MELTF: variants seen among roughly 807,000 people sequenced by gnomAD.
The protein encoded by MELTF is melanotransferrin.
Under a neutral mutation model 83.7 loss-of-function variants are expected in MELTF, and 67 were observed. The observed-to-expected ratio is 0.80, with a 90% CI of 0.66 to 0.98. The LOEUF (loss-of-function observed/expected upper bound fraction) is 0.98, where lower values mean the gene tolerates loss of function less well. MELTF is among the 50% of genes least tolerant of loss of function. The pLI, the probability that MELTF is intolerant of heterozygous loss-of-function variation, is 0.00. For synonymous variants in MELTF, 462 were observed against 447.6 expected, an observed-to-expected ratio of 1.03 and a Z score of -0.41; for missense variants, 1,002 against 1,035.6, an observed-to-expected ratio of 0.97 and a Z score of 0.44.
At position 197,006,656 on chromosome 3, in the gene MELTF, C is replaced by A. The variant is rs199914653; in HGVS notation, c.1831G>T (p.Val611Leu). ...LLCPNGARAE[V>L]SQFAACNLAQ... ...AGGTTGCAGGCTGCAAACTGGGACA[C>A]CTCGGCTCGGGCCCCGTTGGGGCAC... The change falls in exon 14 of 16, where the codon GTG (valine) becomes TTG (leucine). Residue 611 changes from valine (V) to leucine (L), a missense_variant. Coordinates refer to ENST00000296350, the MANE Select transcript of MELTF (RefSeq NM_005929.6). The surrounding 1 kb of genome is among the most constrained non-coding windows in gnomAD (Gnocchi z 5.4). 2.5e-6 allele frequency: 4 copies of A among 1,605,770 alleles called. No individual in the cohort carries two copies. In the East Asian group the frequency reaches 8.9e-5, roughly 36 times the overall value.
rs935459108 is a variant in MELTF, at chr3:197,029,691, C to T, written c.12G>A (p.Pro4=). The T allele has an allele frequency of 4.8e-6, 6 of 1,243,896 alleles. No individual in the cohort carries two copies. The highest frequency in any genetic ancestry group is 7.7e-5 in the South Asian group (2 of 26,092). The allele number at this position is 1,243,896 out of a possible 1,614,324, so 77.1% of individuals were successfully genotyped here. ...CCAGGAGCAGCCACAGAGCCCCGCT[C>T]GGACCCCGCATGGCGCCGTCGGGGC... is the stretch of plus-strand genomic sequence containing the variant. MRG[P]SGALWLLLAL... Residue 4 remains proline (P), a synonymous_variant, in exon 1 of 16, where the codon CCG becomes CCA. Transcript: ENST00000296350. The surrounding 1 kb of genome is among the most constrained non-coding windows in gnomAD (Gnocchi z 6.5).
intron 9 of MELTF, among the ~76,000 whole-genome samples, chr3:197,012,376 G>T (rs1719217856): frequency 6.6e-6 from 1 of 152,256 alleles, no homozygotes; most frequent in African/African-American, 2.4e-5. Flanking sequence ...TGTTGTGAGG[G>T]TTACACGAGA....
rs956058981 is a variant in MELTF, at chr3:197,003,772, C to T, written c.2137+129G>A. 1.4e-5 allele frequency: 14 copies of T among 1,004,988 alleles called. No homozygotes were observed. Among genetic ancestry groups the T allele is most frequent in the Non-Finnish European group, 1.9e-5 (13 of 697,516 alleles). 62.3% of individuals were successfully genotyped at this position (1,004,988 alleles called of 1,614,324 possible). ...CTGGCCAAAATCCTCCCGGGACACC[C>T]CACCTGGACTGCTGCGAACGGGCCT... is the stretch of plus-strand genomic sequence containing the variant. On this transcript the variant is annotated intron_variant, in intron 15 of 15. Transcript: ENST00000296350. The surrounding 1 kb of genome is among the most constrained non-coding windows in gnomAD (Gnocchi z 6.2).
intron 9 of MELTF, among the ~76,000 whole-genome samples, chr3:197,014,051 C>G (rs945987880): frequency 3.9e-5 from 6 of 152,140 alleles, no homozygotes; most frequent in Non-Finnish European, 8.8e-5. Context: ...AAGGGATGCC[C>G]GCACCCCATG....
In MELTF at chr3:197,023,064, G is replaced by C. The variant is rs761865345; in HGVS notation, c.537C>G (p.Thr179=). The C allele has an allele frequency of 6.2e-7, 1 of 1,613,850 alleles. No homozygotes were observed. Among genetic ancestry groups the C allele is most frequent in the South Asian group, 1.1e-5 (1 of 91,074 alleles). The change falls in exon 5 of 16, where the codon ACC becomes ACG. Residue 179 remains threonine (T), a synonymous_variant. Coordinates refer to ENST00000296350, the MANE Select transcript of MELTF (RefSeq NM_005929.6). ...GGSCVPGAGE[T]SYSESLCRLC... is the part of the protein sequence containing the mutation. ...GGCGACAGAGGGACTCAGAGTAACT[G>C]GTCTCTCCTGCCCCCGGGACGCAGC... is the stretch of plus-strand genomic sequence containing the variant.
intron 6 of MELTF, chr3:197,019,563 C>A (rs1577940070): frequency 6.4e-7 from 1 of 1,573,636 alleles, no homozygotes; most frequent in Non-Finnish European, 8.7e-7. Flanking sequence ...CATGGTGAGA[C>A]CCCCATCTCA....
At chr3:197,014,383 G>GGTTTTTTTTT (rs747329235) in intron 9 of MELTF, among the ~76,000 whole-genome samples, 2 of 101,058 alleles carry the variant, frequency 2.0e-5, no homozygotes, top group African/African-American at 8.3e-5. Context: ...AATAGGGAGA[G>GGTTTTTTTTT]TTTTTTTTTT....
chr3:197,002,185 G>A lies in MELTF; in HGVS notation c.*1187C>T, dbSNP rs1463239696. On this transcript the variant is annotated 3_prime_UTR_variant, in exon 16 of 16. Coordinates refer to ENST00000296350, the MANE Select transcript of MELTF (RefSeq NM_005929.6). ...GGATCCTTCCCGACGCCCGCAGGTG[G>A]GGGCGAGCCACCGGGAACCGGGCCT... 6.6e-6 allele frequency: 1 copy of A among 152,132 alleles called. No individual in the cohort carries two copies. Among genetic ancestry groups the A allele is most frequent in the Non-Finnish European group, 1.5e-5 (1 of 68,016 alleles). The allele number at this position is 152,132 out of a possible 1,614,324, so 9.4% of individuals were successfully genotyped here.
At chr3:197,018,579 T>A (rs142071930) in intron 6 of MELTF, among the ~76,000 whole-genome samples, 2,083 of 152,224 alleles carry the variant, frequency 0.014, 53 homozygotes, top group African/African-American at 0.047. Flanking sequence ...CCCGAGTAGC[T>A]CAGATTACAG....
chr3:197,010,240 GC>G (rs1024606217), intron 10 of MELTF, among the ~76,000 whole-genome samples: 2 of 152,212 alleles, frequency 1.3e-5, no homozygotes, highest in African/African-American at 4.8e-5. Context: ...AGAGGCCAAA[GC>G]CCCAGCCCAG....
At chr3:197,021,065 T>C (rs1163608958) in intron 6 of MELTF, among the ~76,000 whole-genome samples, 1 of 152,194 alleles carries the variant, frequency 6.6e-6, no homozygotes, top group Non-Finnish European at 1.5e-5. Context: ...TGAGATCCAG[T>C]GCAGGGGTTT....
chr3:197,015,642 C>T, intron 8 of MELTF, 126 bp from the exon 9 acceptor site: 7 of 1,059,556 alleles, frequency 6.6e-6, no homozygotes, highest in South Asian at 1.7e-5. Flanking sequence ...GTTATTTAAC[C>T]ATCGGATCCC....
chr3:197,005,657 A>C lies in MELTF; in HGVS notation c.1938+892T>G, dbSNP rs112201428. The stretch of plus-strand genomic sequence containing the variant: ...GGCATCTGCAGGGGAAGGTGTTTCC[A>C]GGAGGAGGGAGAGCTGTGGCCAGTG... On this transcript the variant is annotated intron_variant, in intron 14 of 15. Coordinates refer to ENST00000296350, the MANE Select transcript of MELTF (RefSeq NM_005929.6). 4.4e-3 allele frequency among the ~76,000 whole-genome samples: 667 copies of C among 152,326 alleles called. 4 individuals are homozygous for C. The highest frequency in any genetic ancestry group is 0.015 in the African/African-American group (624 of 41,576).
Position 197,006,756 on chromosome 3 carries a change from G to A in MELTF, c.1751-20C>T. On this transcript the variant is annotated intron_variant, in intron 13 of 15. Transcript: ENST00000296350. The surrounding 1 kb of genome is among the most constrained non-coding windows in gnomAD (Gnocchi z 5.4). ...TGTGGCCTGAGGGGGGTAAAGCAGTGTGTGTGGGGACGTTCCGGGAGTGGA... is the reference window on the plus strand; with the variant it reads ...TGTGGCCTGAGGGGGGTAAAGCAGTATGTGTGGGGACGTTCCGGGAGTGGA... 1 of 1,510,926 alleles carries A rather than the reference G, an allele frequency of 6.6e-7. No individual in the cohort carries two copies. The highest frequency in any genetic ancestry group is 8.8e-7 in the Non-Finnish European group (1 of 1,132,208). The allele number at this position is 1,510,926 out of a possible 1,614,324, so 93.6% of individuals were successfully genotyped here. A position where few individuals can be genotyped will look rare whatever the true frequency, so the allele number is the denominator to read the frequency against.
chr3:197,021,020 G>A (rs908864766), intron 6 of MELTF, among the ~76,000 whole-genome samples: 3 of 152,174 alleles, frequency 2.0e-5, no homozygotes, highest in African/African-American at 7.2e-5. Context: ...AATTCTCCAG[G>A]CAAGAGGAGA....
Position 197,017,163 on chromosome 3 carries a change from G to A in MELTF, c.840C>T (p.Ala280=), listed in dbSNP as rs745941174. ...QCHLARVPAH[A]VVVRADTDGG... ...CATCTGTGTCGGCCCGGACCACCAC[G>A]GCGTGAGCAGGCACCCGGGCCAGAT... is the stretch of plus-strand genomic sequence containing the variant. Residue 280 remains alanine (A), a synonymous_variant, in exon 7 of 16, where the codon GCC becomes GCT. Transcript: ENST00000296350. The A allele has an allele frequency of 4.4e-5, 71 of 1,610,898 alleles. No homozygotes were observed. The highest frequency in any genetic ancestry group is 6.7e-5 in the East Asian group (3 of 44,778).
rs975867875 is a variant in MELTF, at chr3:197,006,145, C to T, written c.1938+404G>A. Among the ~76,000 whole-genome samples, 12 of 151,714 alleles carry T rather than the reference C, an allele frequency of 7.9e-5. No individual in the cohort carries two copies. The highest frequency in any genetic ancestry group is 1.3e-4 in the Admixed American group (2 of 15,230). ...CTGAGGTGGGAGAATGGCGTGAACC[C>T]GGGAGGCGGAGCTTGCAGTGAGCCG... On this transcript the variant is annotated intron_variant, in intron 14 of 15. Transcript: ENST00000296350. The surrounding 1 kb of genome is among the most constrained non-coding windows in gnomAD (Gnocchi z 5.4).
chr3:197,003,465 C>T lies in MELTF; in HGVS notation c.2138-14G>A, dbSNP rs1451182795. 9.5e-7 allele frequency: 1 copy of T among 1,050,912 alleles called. No homozygotes were observed. The highest frequency in any genetic ancestry group is 1.1e-6 in the Non-Finnish European group (1 of 884,034). The allele number at this position is 1,050,912 out of a possible 1,614,324, so 65.1% of individuals were successfully genotyped here. A position where few individuals can be genotyped will look rare whatever the true frequency, so the allele number is the denominator to read the frequency against. On this transcript the variant is annotated splice_polypyrimidine_tract_variant and intron_variant, in intron 15 of 15. Coordinates refer to ENST00000296350, the MANE Select transcript of MELTF (RefSeq NM_005929.6). This position sits in a 1 kb window ranked among gnomAD's most constrained non-coding sequence, Gnocchi z 6.2. The stretch of plus-strand genomic sequence containing the variant: ...GCGCCGGGGCCGCTGGGGACGAACG[C>T]GGCGGGTCAGGCCCCGAAGCCCGGG...
In MELTF at chr3:197,009,786, C is replaced by G. The variant is rs768376698; in HGVS notation, c.1357G>C (p.Val453Leu). The G allele has an allele frequency of 8.7e-6, 14 of 1,612,336 alleles. No individual in the cohort carries two copies. The East Asian group carries it at 2.2e-4, about 26-fold the overall frequency. Residue 453 changes from valine to leucine, a missense_variant, in exon 11 of 16, where the codon GTG (valine) becomes CTG (leucine). By Grantham distance (32) the Val-to-Leu change is conservative. Coordinates refer to ENST00000296350, the MANE Select transcript of MELTF (RefSeq NM_005929.6). Reference protein sequence around the residue: ...APEDSSNSYYVVAVVRRDSSH... With the variant: ...APEDSSNSYYLVAVVRRDSSH... ...CTGTCCCGTCTCACCACGGCCACCA[C>G]GTAGTACGAGTTGCTGCTGTCTTCC...
Sources: allele counts gnomAD v4.1 joint callset (sites outside exome capture counted in the v4.1 genomes callset), GRCh38; gene constraint gnomAD v4.1.1; non-coding constraint Gnocchi (gnomAD v3.1); transcripts MANE v1.5; gene names NCBI Gene and HGNC (gene_info 2026-07-23, HGNC 2026-07-21).